CFAP54: variants seen among roughly 807,000 people sequenced by gnomAD.
CFAP54 encodes cilia- and flagella-associated protein 54.
A neutral mutation model predicts 370.4 loss-of-function variants in CFAP54; 290 were observed. The ratio of observed to expected loss-of-function variants is 0.78; its 90% confidence interval spans 0.71 to 0.86. CFAP54 has a LOEUF of 0.86. Ranked by LOEUF, CFAP54 falls within the 40% of genes least tolerant of loss-of-function variation. The pLI, the probability that CFAP54 is intolerant of heterozygous loss-of-function variation, is 0.00. For missense variants in CFAP54, 3,399 were observed against 3,528.7 expected (o/e 0.96, Z 0.93); for synonymous variants, 1,206 against 1,236.5 (o/e 0.98, Z 0.52).
At chr12:96,708,922 TTATA>T (rs10581594) in intron 48 of CFAP54, 119 bp downstream of exon 48, 295,804 of 770,694 alleles carry the variant, frequency 0.38, 59,614 homozygotes, top group African/African-American at 0.45. Context: ...TTCTCTATGC[TTATA>T]TAATGACACA....
chr12:96,739,676 T>C (rs944720536), intron 50 of CFAP54, among the ~76,000 whole-genome samples: 4 of 152,194 alleles, frequency 2.6e-5, no homozygotes, highest in Non-Finnish European at 2.9e-5. Context: ...AAAATATTTT[T>C]TAGTTTCTAT....
chr12:96,499,692 T>A (rs1955002411), intron 1 of CFAP54, among the ~76,000 whole-genome samples: 1 of 152,172 alleles, frequency 6.6e-6, no homozygotes, highest in Non-Finnish European at 1.5e-5. Flanking sequence ...ATGCCTGTAA[T>A]ACTAGCACTT....
chr12:96,845,880 G>T (rs2136449849), intron 66 of CFAP54, among the ~76,000 whole-genome samples: 1 of 152,264 alleles, frequency 6.6e-6, no homozygotes, highest in Non-Finnish European at 1.5e-5. Flanking sequence ...CTGGCTTAAG[G>T]TTTCTCTTTA....
At chr12:96,689,305 C>T (rs1247501275) in intron 43 of CFAP54, among the ~76,000 whole-genome samples, 7 of 152,102 alleles carry the variant, frequency 4.6e-5, no homozygotes, top group East Asian at 3.9e-4. Context: ...GGACTACAGG[C>T]GCGCACCACC....
At chr12:96,715,799 T>C (rs1295356047) in intron 48 of CFAP54, among the ~76,000 whole-genome samples, 1 of 152,238 alleles carries the variant, frequency 6.6e-6, no homozygotes, top group Non-Finnish European at 1.5e-5. Context: ...ATGTAATTTA[T>C]ATATTTTTAT....
In CFAP54 at chr12:96,530,524, T is replaced by G. The variant is rs74391238; in HGVS notation, c.1357+3080T>G. ...AAAATTTTTTTTCACTTGTTACTGCTGAGTATTATTTTATGGTATGGATAC... is the reference window on the plus strand; with the variant it reads ...AAAATTTTTTTTCACTTGTTACTGCGGAGTATTATTTTATGGTATGGATAC... On this transcript the variant is annotated intron_variant, in intron 9 of 67. Transcript: ENST00000524981. Among the ~76,000 whole-genome samples, 302 of 152,270 alleles carry G rather than the reference T, an allele frequency of 2.0e-3. 2 individuals carry two copies. Among genetic ancestry groups the G allele is most frequent in the African/African-American group, 7.0e-3 (293 of 41,568 alleles).
In CFAP54 at chr12:96,758,321, C is replaced by A. The variant is rs185532888; in HGVS notation, c.8040+733C>A. ...AAAGAGATTTAACGGACTCATAGTT[C>A]CATGTGGCTGGGGAGGCCTCACAAT... On this transcript the variant is annotated intron_variant, in intron 58 of 67. Transcript: ENST00000524981. Among the ~76,000 whole-genome samples the A allele has an allele frequency of 1.1e-4, 16 of 152,248 alleles. No homozygotes were observed. In the East Asian group the frequency reaches 2.9e-3, roughly 28 times the overall value.
At position 96,506,997 on chromosome 12, in the gene CFAP54, A is replaced by C; in HGVS notation, c.637A>C (p.Asn213His). The change falls in exon 4 of 68, where the codon AAT becomes CAT. Residue 213 changes from asparagine (N) to histidine (H), a missense_variant. Physicochemically the swap from Asn to His is moderately conservative, Grantham distance 68. Transcript: ENST00000524981. ...CTGCGACAGTGATGAAAACCTGAAG[A>C]ATAAAGAATCTGTGGTCCAGTGTCT... ...LVCDSDENLK[N>H]KESVVQCLHI... is the part of the protein sequence containing the mutation. 6.5e-7 allele frequency: 1 copy of C among 1,536,100 alleles called. No individual in the cohort carries two copies. The highest frequency in any genetic ancestry group is 1.2e-5 in the South Asian group (1 of 83,988).
intron 48 of CFAP54, among the ~76,000 whole-genome samples, chr12:96,716,376 G>A (rs12369213): frequency 0.086 from 13,084 of 152,240 alleles, 805 homozygotes; most frequent in South Asian, 0.28. Flanking sequence ...ACATTGAAAG[G>A]ATCTGCATTT....
At chr12:96,543,311 G>T (rs1419867444) in intron 14 of CFAP54, among the ~76,000 whole-genome samples, 2 of 152,190 alleles carry the variant, frequency 1.3e-5, no homozygotes, top group East Asian at 3.9e-4. Context: ...CGGAGGAAAG[G>T]AAGCCCCATG....
At chr12:96,578,530 C>A (rs1311394530) in intron 20 of CFAP54, among the ~76,000 whole-genome samples, 1 of 152,136 alleles carries the variant, frequency 6.6e-6, no homozygotes, top group African/African-American at 2.4e-5. Context: ...AAATCTTATT[C>A]TGTATGTACT....
intron 60 of CFAP54, among the ~76,000 whole-genome samples, chr12:96,773,875 AG>A (rs1391729229): frequency 6.6e-5 from 10 of 152,246 alleles, no homozygotes; most frequent in African/African-American, 2.4e-4. Flanking sequence ...ATTCCCATAA[AG>A]CAAATGTCTA....
chr12:96,681,368 T>C (rs937145383), intron 40 of CFAP54, among the ~76,000 whole-genome samples: 7 of 132,200 alleles, frequency 5.3e-5, no homozygotes, highest in Non-Finnish European at 7.9e-5. Flanking sequence ...ACAAGGTTTT[T>C]CCTTTTTTTT....
At chr12:96,494,895 T>G (rs1379145876) in intron 1 of CFAP54, among the ~76,000 whole-genome samples, 1 of 151,934 alleles carries the variant, frequency 6.6e-6, no homozygotes, top group East Asian at 1.9e-4. Flanking sequence ...CCCAGCTAAT[T>G]TTTGTATTTT....
chr12:96,515,212 T>C (rs903913575), intron 5 of CFAP54, among the ~76,000 whole-genome samples: 2 of 152,100 alleles, frequency 1.3e-5, no homozygotes, highest in African/African-American at 4.8e-5. Flanking sequence ...TTTCATCATA[T>C]TGGCTAGGCT....
intron 1 of CFAP54, among the ~76,000 whole-genome samples, chr12:96,499,304 A>C (rs1372126185): frequency 6.6e-6 from 1 of 152,182 alleles, no homozygotes; most frequent in Non-Finnish European, 1.5e-5. Context: ...AAATGGGCCA[A>C]AGACCTTAAC....
At chr12:96,596,999 G>T (rs902093965) in intron 25 of CFAP54, among the ~76,000 whole-genome samples, 2 of 152,014 alleles carry the variant, frequency 1.3e-5, no homozygotes, top group African/African-American at 4.8e-5. Context: ...AGATTTGCTG[G>T]TGAAGATGTG....
chr12:96,566,293 G>T (rs966514203), intron 19 of CFAP54, among the ~76,000 whole-genome samples: 1 of 152,198 alleles, frequency 6.6e-6, no homozygotes, highest in Non-Finnish European at 1.5e-5. Flanking sequence ...TAAAGATAAT[G>T]TGGAGAGTGG....
Position 96,708,599 on chromosome 12 carries a change from A to T in CFAP54, c.6529-9A>T, listed in dbSNP as rs1565949439. The T allele has an allele frequency of 6.3e-7, 1 of 1,578,436 alleles. No individual in the cohort carries two copies. The highest frequency in any genetic ancestry group is 2.1e-5 in the Admixed American group (1 of 48,644). ...TAATTTGCTCTTTTTCCTTTTTTCC[A>T]TTTTTTAGGCAATTGATGAATTAAG... is the stretch of plus-strand genomic sequence containing the variant. On this transcript the variant is annotated splice_polypyrimidine_tract_variant and intron_variant, in intron 47 of 67. Transcript: ENST00000524981.
Sources: gnomAD v4.1 joint callset for allele counts (sites outside exome capture counted in the v4.1 genomes callset) on GRCh38, gnomAD v4.1.1 for gene constraint, MANE v1.5 for transcripts, NCBI Gene and HGNC (gene_info 2026-07-23, HGNC 2026-07-21) for gene names.